Variants in CFAP57 observed in about 807,000 individuals in gnomAD.
The protein encoded by CFAP57 is cilia- and flagella-associated protein 57.
In CFAP57, 116 loss-of-function variants were observed where a neutral mutation model predicts 146.8. The observed-to-expected ratio is 0.79, with a 90% CI of 0.68 to 0.92. CFAP57 has a LOEUF of 0.92. CFAP57 is among the 40% of genes least tolerant of loss of function. The probability of loss-of-function intolerance (pLI) is 0.00; values close to 1 mark genes in which losing one functional copy is unlikely to be tolerated. For missense variants in CFAP57, 1,377 were observed against 1,527.2 expected, an observed-to-expected ratio of 0.90 and a Z score of 1.64; for synonymous variants, 518 against 552.8, an observed-to-expected ratio of 0.94 and a Z score of 0.88.
At chr1:43,179,401 T>C (rs1018868167) in intron 2 of CFAP57, among the ~76,000 whole-genome samples, 1 of 152,188 alleles carries the variant, frequency 6.6e-6, no homozygotes, top group Admixed American at 6.5e-5. Flanking sequence ...CCAGTCAACA[T>C]ATATCAAGAA....
chr1:43,195,333 C>T (rs1001636616), intron 6 of CFAP57, among the ~76,000 whole-genome samples: 20 of 151,962 alleles, frequency 1.3e-4, no homozygotes, highest in African/African-American at 4.1e-4. Context: ...ACCATCCTGG[C>T]CAACATGGTG....
chr1:43,176,945 A>G (rs540181541), intron 2 of CFAP57, among the ~76,000 whole-genome samples: 2 of 151,992 alleles, frequency 1.3e-5, no homozygotes, highest in Admixed American at 1.3e-4. Context: ...AATAGCTGGG[A>G]GGCCAGTGTG....
chr1:43,180,023 A>G (rs1645327330), intron 2 of CFAP57, among the ~76,000 whole-genome samples: 2 of 151,796 alleles, frequency 1.3e-5, no homozygotes, highest in African/African-American at 2.4e-5. Flanking sequence ...CCTGACCAAC[A>G]TGGAGAAACC....
At chr1:43,236,844 G>A (rs1645720143) in intron 21 of CFAP57, among the ~76,000 whole-genome samples, 1 of 151,664 alleles carries the variant, frequency 6.6e-6, no homozygotes, top group African/African-American at 2.4e-5. Context: ...GGGAGGCAGA[G>A]CTTGCAGTGA....
In CFAP57 at chr1:43,222,087, A is replaced by C. The variant is rs942667618; in HGVS notation, c.2342-18A>C. ...GTGCTGCTCTCCCACCTTAAATACC[A>C]TCCTTGCTTCTCTCCAGAATGTTGC... On this transcript the variant is annotated intron_variant, in intron 14 of 22. Transcript: ENST00000372492. 1 of 1,537,702 alleles carries C rather than the reference A, an allele frequency of 6.5e-7. No homozygotes were observed. Among genetic ancestry groups the C allele is most frequent in the African/African-American group, 1.4e-5 (1 of 72,464 alleles).
intron 21 of CFAP57, among the ~76,000 whole-genome samples, chr1:43,235,509 C>A (rs914681831): frequency 6.6e-6 from 1 of 152,180 alleles, no homozygotes; most frequent in African/African-American, 2.4e-5. Context: ...AAACCAGTTC[C>A]CAGCTTGGCC....
chr1:43,234,865 C>A (rs1485834284), intron 21 of CFAP57, among the ~76,000 whole-genome samples: 2 of 152,096 alleles, frequency 1.3e-5, no homozygotes, highest in Non-Finnish European at 2.9e-5. Context: ...CATGCTGCAC[C>A]CTGGCCTCCA....
intron 18 of CFAP57, chr1:43,231,982 GC>G: frequency 4.7e-6 from 3 of 633,088 alleles, no homozygotes; most frequent in Non-Finnish European, 8.6e-6. Flanking sequence ...TGAGGCTGAG[GC>G]CCCTTCTCAG....
chr1:43,251,568 GAC>G (rs1646326804), intron 22 of CFAP57, among the ~76,000 whole-genome samples: 1 of 152,176 alleles, frequency 6.6e-6, no homozygotes, highest in Non-Finnish European at 1.5e-5. Context: ...GAACTATTGA[GAC>G]AGTTTCATTA....
intron 11 of CFAP57, 165 bp downstream of exon 11, chr1:43,210,081 T>A (rs1644536145): frequency 2.5e-6 from 4 of 1,613,814 alleles, no homozygotes; most frequent in Non-Finnish European, 3.4e-6. Context: ...TACTCTTTGT[T>A]TAAACTACTT....
Position 43,172,413 on chromosome 1 carries a change from T to C in CFAP57, c.-60T>C. ...TTAGGATCCCTACAGGTAGCGCCTC[T>C]GGATACATGCGTGGTCTGCTGACCC... On this transcript the variant is annotated 5_prime_UTR_variant, in exon 1 of 23. Coordinates refer to ENST00000372492, the MANE Select transcript of CFAP57 (RefSeq NM_001378189.1). 1 of 1,551,264 alleles carries C rather than the reference T, an allele frequency of 6.4e-7. No individual in the cohort carries two copies.
intron 2 of CFAP57, among the ~76,000 whole-genome samples, chr1:43,179,215 A>G (rs1377580930): frequency 1.3e-5 from 2 of 152,178 alleles, no homozygotes; most frequent in Admixed American, 6.5e-5. Context: ...GCACACCAAC[A>G]TGGCACATGT....
chr1:43,233,632 A>C (rs1645565377), intron 19 of CFAP57, among the ~76,000 whole-genome samples: 1 of 152,182 alleles, frequency 6.6e-6, no homozygotes, highest in African/African-American at 2.4e-5. Context: ...ATGACTGGTG[A>C]TTTGTGGCAT....
rs1643115308 is a variant in CFAP57, at chr1:43,186,583, C to G, written c.970-124C>G. Reference sequence around the variant, plus strand: ...CTGAGATAGTGCCACTGCACTCTGGCCTGGGCAAAAGAGCGAGACTCCGTC... The same window carrying G: ...CTGAGATAGTGCCACTGCACTCTGGGCTGGGCAAAAGAGCGAGACTCCGTC... On this transcript the variant is annotated intron_variant, in intron 5 of 22. Transcript: ENST00000372492. 17 of 1,069,526 alleles carry G rather than the reference C, an allele frequency of 1.6e-5. No homozygotes were observed. In the East Asian group the frequency reaches 4.3e-4, roughly 27 times the overall value. 66.3% of individuals were successfully genotyped at this position (1,069,526 alleles called of 1,614,324 possible). A position where few individuals can be genotyped will look rare whatever the true frequency, so the allele number is the denominator to read the frequency against.
chr1:43,226,434 A>G (rs939656388), intron 17 of CFAP57, among the ~76,000 whole-genome samples: 2 of 152,094 alleles, frequency 1.3e-5, no homozygotes, highest in African/African-American at 4.8e-5. Context: ...CAGAGCCCCT[A>G]ATGTGCCCAC....
chr1:43,235,542 GC>G (rs1187812744), intron 21 of CFAP57, among the ~76,000 whole-genome samples: 1 of 152,190 alleles, frequency 6.6e-6, no homozygotes, highest in Non-Finnish European at 1.5e-5. Context: ...GCTGGGCAGA[GC>G]GCACTGTGAT....
chr1:43,233,388 C>T (rs1570280842), intron 19 of CFAP57, among the ~76,000 whole-genome samples: 1 of 151,980 alleles, frequency 6.6e-6, no homozygotes, highest in East Asian at 1.9e-4. Context: ...AACTGGGAGA[C>T]TGAGGCAGGA....
At chr1:43,207,669 C>T (rs956020787) in intron 10 of CFAP57, among the ~76,000 whole-genome samples, 4 of 152,198 alleles carry the variant, frequency 2.6e-5, no homozygotes, top group African/African-American at 9.7e-5. Context: ...ACTCTGAAAC[C>T]GTACAGTTAC....
Position 43,219,429 on chromosome 1 carries a change from G to T in CFAP57, c.2139G>T (p.Met713Ile), listed in dbSNP as rs774758693. The T allele has an allele frequency of 2.6e-6, 4 of 1,550,594 alleles. No homozygotes were observed. Among genetic ancestry groups the T allele is most frequent in the Non-Finnish European group, 1.7e-6 (2 of 1,147,012 alleles). The change falls in exon 13 of 23, where the codon ATG becomes ATT. Residue 713 changes from methionine to isoleucine, a missense_variant. Transcript: ENST00000372492. ...ELKTRVEELK[M>I]ENEYQLRLKD... Reference sequence around the variant, plus strand: ...AGACTCGTGTGGAGGAATTAAAAATGGAGAATGAGTATCAACTCCGACTAA... The same window carrying T: ...AGACTCGTGTGGAGGAATTAAAAATTGAGAATGAGTATCAACTCCGACTAA...
Sources: allele counts gnomAD v4.1 joint callset (sites outside exome capture counted in the v4.1 genomes callset), GRCh38; gene constraint gnomAD v4.1.1; transcripts MANE v1.5; gene names NCBI Gene and HGNC (gene_info 2026-07-23, HGNC 2026-07-21).